Variants in STXBP5L observed in about 807,000 individuals in gnomAD.
STXBP5L encodes the protein syntaxin-binding protein 5-like.
A neutral mutation model predicts 144.5 loss-of-function variants in STXBP5L; 65 were observed. That is an observed-to-expected ratio of 0.45 (90% CI 0.37 to 0.55). The LOEUF is 0.55. Ranked by LOEUF, STXBP5L falls within the 20% of genes least tolerant of loss-of-function variation. The pLI, the probability that STXBP5L is intolerant of heterozygous loss-of-function variation, is 0.00. For missense variants in STXBP5L, 1,298 were observed against 1,405.5 expected (o/e 0.92, Z 1.22); for synonymous variants, 505 against 469.6 (o/e 1.08, Z -0.97).
chr3:120,992,862 T>G (rs1943037267), intron 3 of STXBP5L, among the ~76,000 whole-genome samples: 1 of 152,094 alleles, frequency 6.6e-6, no homozygotes, highest in Non-Finnish European at 1.5e-5. Flanking sequence ...TTTTTAGCTT[T>G]TTGAGGAACC....
intron 2 of STXBP5L, among the ~76,000 whole-genome samples, chr3:120,919,092 A>T (rs1405218358): frequency 6.6e-6 from 1 of 152,158 alleles, no homozygotes; most frequent in Non-Finnish European, 1.5e-5. Context: ...GTTAGAAAAG[A>T]GAAAAGTGTC....
intron 2 of STXBP5L, among the ~76,000 whole-genome samples, chr3:120,931,757 G>A (rs933412119): frequency 4.6e-5 from 7 of 152,160 alleles, no homozygotes; most frequent in Admixed American, 3.9e-4. Context: ...GCAGCAACCA[G>A]TCTGGGAAGT....
intron 20 of STXBP5L, among the ~76,000 whole-genome samples, chr3:121,339,567 A>G (rs2044631835): frequency 6.6e-6 from 1 of 152,140 alleles, no homozygotes; most frequent in African/African-American, 2.4e-5. Context: ...AGCCAGGCCA[A>G]TCAGTCAAGA....
At chr3:121,312,162 C>A (rs1033678739) in intron 19 of STXBP5L, among the ~76,000 whole-genome samples, 2 of 152,092 alleles carry the variant, frequency 1.3e-5, no homozygotes, top group Non-Finnish European at 2.9e-5. Flanking sequence ...GAAACTGAAT[C>A]CCTGCCTTAC....
chr3:121,072,735 C>T (rs1384632743), intron 5 of STXBP5L, among the ~76,000 whole-genome samples: 2 of 152,156 alleles, frequency 1.3e-5, no homozygotes, highest in Admixed American at 6.5e-5. Context: ...TTCCTCTAGC[C>T]TTGTCACCTC....
rs2045947507 is a variant in STXBP5L, at chr3:121,151,920, AT to A, written c.670-553del. ...TAAAATTCTTCTATTTTAAAGAAAT[AT>A]TTTATTAATCATCTTATTTATTGAT... On this transcript the variant is annotated intron_variant, in intron 7 of 26. Transcript: ENST00000471454. 2.0e-5 allele frequency among the ~76,000 whole-genome samples: 3 copies of A among 151,560 alleles called. No individual in the cohort carries two copies. In the South Asian group the frequency reaches 6.2e-4, roughly 31 times the overall value.
intron 3 of STXBP5L, among the ~76,000 whole-genome samples, chr3:120,959,900 C>T (rs932552407): frequency 1.3e-5 from 2 of 152,150 alleles, no homozygotes; most frequent in East Asian, 1.9e-4. Flanking sequence ...CCAAAATTGA[C>T]AAATGGGATC....
At chr3:120,988,628 G>T (rs1942530705) in intron 3 of STXBP5L, among the ~76,000 whole-genome samples, 1 of 152,056 alleles carries the variant, frequency 6.6e-6, no homozygotes. Context: ...ACTGTTGGTT[G>T]ATTGTGTTGT....
At chr3:121,318,662 T>C (rs1420707934) in intron 20 of STXBP5L, 122 bp downstream of exon 20, 1 of 617,316 alleles carries the variant, frequency 1.6e-6, no homozygotes, top group African/African-American at 1.9e-5. Context: ...TTCCATTCAT[T>C]AAATTTACTG....
intron 5 of STXBP5L, among the ~76,000 whole-genome samples, chr3:121,058,741 T>C (rs1475946073): frequency 2.6e-5 from 4 of 152,228 alleles, no homozygotes; most frequent in Non-Finnish European, 5.9e-5. Context: ...GATGAGCTGT[T>C]TTTCATATGT....
chr3:120,988,161 T>C (rs1576583797), intron 3 of STXBP5L, among the ~76,000 whole-genome samples: 1 of 151,752 alleles, frequency 6.6e-6, no homozygotes, highest in Non-Finnish European at 1.5e-5. Flanking sequence ...TTTTAGTTTA[T>C]TTTGCTCTTT....
Position 121,302,571 on chromosome 3 carries a change from C to G in STXBP5L, c.2111-15904C>G, listed in dbSNP as rs191480057. Reference sequence around the variant, plus strand: ...AGTTCTGCTCTGATCTTAGTTATTTCTTGCCTTCTGCTAGCTTTTGAATGT... The same window carrying G: ...AGTTCTGCTCTGATCTTAGTTATTTGTTGCCTTCTGCTAGCTTTTGAATGT... On this transcript the variant is annotated intron_variant, in intron 19 of 26. Coordinates refer to ENST00000471454, the MANE Select transcript of STXBP5L (RefSeq NM_001308330.2). Among the ~76,000 whole-genome samples, 97 of 152,162 alleles carry G rather than the reference C, an allele frequency of 6.4e-4. 1 individual carries two copies. In the East Asian group the frequency reaches 0.016, roughly 25 times the overall value.
At chr3:121,068,081 C>T in intron 5 of STXBP5L, among the ~76,000 whole-genome samples, 1 of 152,246 alleles carries the variant, frequency 6.6e-6, no homozygotes, top group East Asian at 1.9e-4. Context: ...ACAATCTCAG[C>T]TCACTGCAAC....
intron 3 of STXBP5L, among the ~76,000 whole-genome samples, chr3:120,985,995 G>T (rs1233377005): frequency 6.6e-6 from 1 of 151,592 alleles, no homozygotes; most frequent in Non-Finnish European, 1.5e-5. Flanking sequence ...AGTTCCTTAT[G>T]TTATAAAGTT....
intron 5 of STXBP5L, among the ~76,000 whole-genome samples, chr3:121,078,438 C>T (rs533593673): frequency 5.2e-5 from 8 of 152,384 alleles, no homozygotes; most frequent in Non-Finnish European, 1.0e-4. Context: ...TCTCCAAGTT[C>T]CCACCAGGCT....
At chr3:121,010,958 GTGT>G (rs1184411150) in intron 3 of STXBP5L, among the ~76,000 whole-genome samples, 1 of 151,332 alleles carries the variant, frequency 6.6e-6, no homozygotes, top group Non-Finnish European at 1.5e-5. Flanking sequence ...GTTTGAACTT[GTGT>G]TGTTCAAGGG....
chr3:121,104,458 G>C (rs899334458), intron 5 of STXBP5L, among the ~76,000 whole-genome samples: 3 of 152,076 alleles, frequency 2.0e-5, no homozygotes, highest in African/African-American at 7.2e-5. Flanking sequence ...TAAGCAAAAA[G>C]AACAAATCTG....
At chr3:121,418,300 A>G (rs2047284854) in intron 25 of STXBP5L, 37 bp from the exon 26 acceptor site, 2 of 1,582,736 alleles carry the variant, frequency 1.3e-6, no homozygotes, top group African/African-American at 2.7e-5. Context: ...TGAATTACTG[A>G]CAAAATGTTT....
intron 9 of STXBP5L, among the ~76,000 whole-genome samples, chr3:121,182,787 C>G (rs1188520557): frequency 6.6e-6 from 1 of 152,094 alleles, no homozygotes; most frequent in Non-Finnish European, 1.5e-5. Flanking sequence ...AGCATCCAAA[C>G]AAGCTGAATT....
Sources: gnomAD v4.1 joint callset for allele counts (sites outside exome capture counted in the v4.1 genomes callset) on GRCh38, gnomAD v4.1.1 for gene constraint, MANE v1.5 for transcripts, NCBI Gene and HGNC (gene_info 2026-07-23, HGNC 2026-07-21) for gene names.